Variants in TAF1 observed in about 807,000 individuals in gnomAD.
The protein encoded by TAF1 is transcription initiation factor TFIID subunit 1.
TAF1 carries 2 observed loss-of-function variants against 138.5 expected under a neutral mutation model. The observed-to-expected ratio is 0.01, with a 90% CI of 0.01 to 0.05. The LOEUF is 0.05. TAF1 is among the 10% of genes least tolerant of loss of function. The probability of loss-of-function intolerance (pLI) is 1.00; values close to 1 mark genes in which losing one functional copy is unlikely to be tolerated. For synonymous variants in TAF1, 437 were observed against 503.2 expected (o/e 0.87, Z 1.76); for missense variants, 709 against 1,478.0 (o/e 0.48, Z 8.53).
chrX:71,381,541 A>G (rs1026000178), intron 8 of TAF1, among the ~76,000 whole-genome samples: 2 of 112,443 alleles, frequency 1.8e-5, no homozygotes, highest in East Asian at 5.6e-4. Context: ...CTGTGATTAC[A>G]GGTGTGAGCC....
chrX:71,460,608 A>C lies in TAF1; in HGVS notation c.5222-18A>C. The C allele has an allele frequency of 1.7e-6, 2 of 1,209,498 alleles. No individual in the cohort carries two copies. Among genetic ancestry groups the C allele is most frequent in the Non-Finnish European group, 2.2e-6 (2 of 894,359 alleles). On this transcript the variant is annotated intron_variant, in intron 36 of 37. Coordinates refer to ENST00000423759, the MANE Select transcript of TAF1 (RefSeq NM_004606.5). ...CAAGCTTAACTCTTGATGACCCAGA[A>C]TCTGTCTCTTTTTACAGCTATCCAG... is the stretch of plus-strand genomic sequence containing the variant.
chrX:71,442,192 G>A (rs760630883), intron 32 of TAF1, among the ~76,000 whole-genome samples: 3 of 112,223 alleles, frequency 2.7e-5, no homozygotes, highest in Admixed American at 9.4e-5. Context: ...GTAATGGGAT[G>A]GCTAGGTCAA....
At chrX:71,452,115 C>G (rs1340572293) in intron 32 of TAF1, among the ~76,000 whole-genome samples, 9 of 105,873 alleles carry the variant, frequency 8.5e-5, no homozygotes, top group Non-Finnish European at 1.8e-4. Context: ...GCTGACCCCC[C>G]CCCCCACCTC....
intron 13 of TAF1, among the ~76,000 whole-genome samples, chrX:71,500,613 C>T (rs773949886): frequency 8.9e-5 from 9 of 101,525 alleles, no homozygotes; most frequent in Middle Eastern, 5.7e-3. Context: ...TGCTCACCAA[C>T]GCAGCAGCAG....
At chrX:71,423,842 T>C in intron 30 of TAF1, 132 bp from the exon 31 acceptor site, 1 of 497,131 alleles carries the variant, frequency 2.0e-6, no homozygotes, top group South Asian at 3.5e-5. Flanking sequence ...ACAGAAGTTT[T>C]GTATGATTAT....
At chrX:71,446,603 T>C (rs2037707627) in intron 32 of TAF1, among the ~76,000 whole-genome samples, 1 of 112,459 alleles carries the variant, frequency 8.9e-6, no homozygotes, top group African/African-American at 3.2e-5. Context: ...AGTGTTTATT[T>C]TTCTAGTTGT....
intron 13 of TAF1, among the ~76,000 whole-genome samples, chrX:71,473,630 G>A (rs1448169130): frequency 3.6e-5 from 4 of 110,119 alleles, no homozygotes; most frequent in Non-Finnish European, 7.6e-5. Context: ...ACAGTGAGCC[G>A]TGAGCCACTA....
intron 28 of TAF1, among the ~76,000 whole-genome samples, chrX:71,408,985 G>T (rs914316023): frequency 2.8e-4 from 30 of 106,263 alleles, no homozygotes; most frequent in Non-Finnish European, 4.7e-4. Flanking sequence ...CTGCACTCCA[G>T]TCTGGGCAAC....
At chrX:71,405,853 AAC>A (rs953162634) in intron 25 of TAF1, among the ~76,000 whole-genome samples, 3 of 109,670 alleles carry the variant, frequency 2.7e-5, no homozygotes, top group African/African-American at 1.0e-4. Context: ...TTACTGAAAA[AAC>A]AGTTTTTAAA....
At chrX:71,429,518 C>T (rs965812839) in intron 32 of TAF1, among the ~76,000 whole-genome samples, 3 of 110,282 alleles carry the variant, frequency 2.7e-5, no homozygotes, top group Non-Finnish European at 5.7e-5. Context: ...GGTGGAATTA[C>T]GTTTGGTAGT....
intron 13 of TAF1, chrX:71,491,023 TTG>T (rs1326182345): frequency 7.2e-5 from 7 of 96,637 alleles, no homozygotes; most frequent in African/African-American, 2.4e-4. Flanking sequence ...GGTTTTTTTG[TTG>T]TTGTTGTTGT....
intron 28 of TAF1, among the ~76,000 whole-genome samples, chrX:71,412,236 C>T (rs1345972352): frequency 9.2e-6 from 1 of 108,909 alleles, no homozygotes; most frequent in East Asian, 2.9e-4. Context: ...GGAATCCTCC[C>T]GTCTTAGCAT....
intron 3 of TAF1, 125 bp downstream of exon 3, chrX:71,368,295 T>C: frequency 9.4e-6 from 6 of 636,808 alleles, no homozygotes; most frequent in Non-Finnish European, 1.4e-5. Context: ...TTGCTTTGGC[T>C]CCTCCACTCC....
At chrX:71,412,614 G>A (rs1006121701) in intron 28 of TAF1, among the ~76,000 whole-genome samples, 1 of 112,127 alleles carries the variant, frequency 8.9e-6, no homozygotes, top group South Asian at 3.7e-4. Flanking sequence ...TGGAGACAGA[G>A]TCTTGCTCTG....
At position 71,530,153 on chromosome X, in the gene TAF1, C is replaced by G. The variant is rs999558892; in HGVS notation, c.*615C>G. 24 of 139,028 alleles carry G rather than the reference C, an allele frequency of 1.7e-4. No individual in the cohort carries two copies. The Middle Eastern group carries it at 3.4e-3, about 20-fold the overall frequency. The allele number at this position is 139,028 out of a possible 1,213,427, so 11.5% of individuals were successfully genotyped here. A position where few individuals can be genotyped will look rare whatever the true frequency, so the allele number is the denominator to read the frequency against. ...TCACTAGTTAGTGATGGTTGTTGTA[C>G]TACCATGAAATCAGTTTCTTCTTTA... On this transcript the variant is annotated 3_prime_UTR_variant and NMD_transcript_variant, in exon 15 of 15. Coordinates refer to the TAF1 transcript ENST00000373775.
chrX:71,526,169 C>G (rs1205368577), intron 13 of TAF1, among the ~76,000 whole-genome samples: 1 of 111,131 alleles, frequency 9.0e-6, no homozygotes, highest in East Asian at 2.8e-4. Flanking sequence ...CAAATCAATT[C>G]AAACTTTATA....
At chrX:71,389,904 C>G (rs2034463164) in intron 18 of TAF1, 6 of 243,833 alleles carry the variant, frequency 2.5e-5, no homozygotes, top group Non-Finnish European at 2.8e-5. Flanking sequence ...CTCTGTCACC[C>G]AGGCTGGAGT....
intron 13 of TAF1, among the ~76,000 whole-genome samples, chrX:71,481,848 C>T (rs972525648): frequency 1.8e-5 from 2 of 112,307 alleles, no homozygotes; most frequent in African/African-American, 6.5e-5. Flanking sequence ...TGAGCCACTG[C>T]GCCCGGCCTA....
chrX:71,523,180 CAAAAAAAAAAAAAA>C (rs754302629), intron 13 of TAF1, among the ~76,000 whole-genome samples: 3 of 15,374 alleles, frequency 2.0e-4, no homozygotes, highest in African/African-American at 5.9e-4. Context: ...GACTCCCTCT[CAAAAAAAAAAAAAA>C]AAAAAAAAAA....
Sources: gnomAD v4.1 joint callset for allele counts (sites outside exome capture counted in the v4.1 genomes callset) on GRCh38, gnomAD v4.1.1 for gene constraint, MANE v1.5 for transcripts, NCBI Gene and HGNC (gene_info 2026-07-23, HGNC 2026-07-21) for gene names.